The following PAH variants were observed in gnomAD, a reference collection of about 807,000 sequenced individuals.
The protein encoded by PAH is phenylalanine hydroxylase.
PAH carries 64 observed loss-of-function variants against 62.0 expected under a neutral mutation model. The observed-to-expected ratio is 1.03, with a 90% CI of 0.84 to 1.27. PAH has a LOEUF of 1.27. Ranked by LOEUF, PAH falls within the 50% of genes most tolerant of loss-of-function variation. PAH has a pLI of 0.00. For synonymous variants in PAH, 195 were observed against 196.2 expected (o/e 0.99, Z 0.05); for missense variants, 579 against 542.8 (o/e 1.07, Z -0.66).
chr12:102,930,558 C>A (rs1211243102), intron 1 of PAH, among the ~76,000 whole-genome samples: 1 of 152,156 alleles, frequency 6.6e-6, no homozygotes, highest in Non-Finnish European at 1.5e-5. Flanking sequence ...GTTATATTGA[C>A]ATCTTTTGCA....
chr12:102,868,155 CACATATATATACATATATGTGTAT>C lies in PAH; in HGVS notation c.442-1516_442-1493del, dbSNP rs1565855116. On this transcript the variant is annotated intron_variant, in intron 4 of 12. Transcript: ENST00000553106. ...ATATATATATATATATATATATATA[CACATATATATACATATATGTGTAT>C]ATATATATATATATATATATATATA... Among the ~76,000 whole-genome samples the C allele has an allele frequency of 3.1e-3, 8 of 2,598 alleles. 1 individual carries two copies. The highest frequency in any genetic ancestry group is 5.0e-3 in the Non-Finnish European group (8 of 1,612). 1.7% of individuals were successfully genotyped at this position (2,598 alleles called of 152,430 possible).
At chr12:102,851,128 T>C (rs1875130827) in intron 8 of PAH, among the ~76,000 whole-genome samples, 1 of 152,062 alleles carries the variant, frequency 6.6e-6, no homozygotes, top group Admixed American at 6.6e-5. Flanking sequence ...AAGAAAGCTT[T>C]TTTTTGAGCT....
At chr12:102,866,346 A>C (rs1382695271) in intron 5 of PAH, among the ~76,000 whole-genome samples, 1 of 152,170 alleles carries the variant, frequency 6.6e-6, no homozygotes, top group Admixed American at 6.6e-5. Context: ...AGCTTGGGAG[A>C]GAGCAGGGCC....
At chr12:102,935,624 G>A (rs1879073516) in intron 1 of PAH, among the ~76,000 whole-genome samples, 1 of 152,000 alleles carries the variant, frequency 6.6e-6, no homozygotes, top group African/African-American at 2.4e-5. Flanking sequence ...ATATTGGTAG[G>A]TTTTATGTAT....
At chr12:102,928,887 C>T (rs1041205441) in intron 1 of PAH, among the ~76,000 whole-genome samples, 3 of 152,130 alleles carry the variant, frequency 2.0e-5, no homozygotes, top group African/African-American at 7.2e-5. Context: ...TTTCTAGGTT[C>T]TATGATTATA....
At chr12:102,955,311 G>C (rs557538742), upstream of PAH, among the ~76,000 whole-genome samples, 1 of 152,322 alleles carries the variant, frequency 6.6e-6, no homozygotes, top group South Asian at 2.1e-4. Context: ...TAAGCTGTTA[G>C]ATACAAGTTT....
At chr12:102,912,455 T>C (rs917232022) in intron 2 of PAH, among the ~76,000 whole-genome samples, 2 of 152,148 alleles carry the variant, frequency 1.3e-5, no homozygotes, top group Admixed American at 1.3e-4. Flanking sequence ...TTACATGTTA[T>C]GTGAAATGTA....
At position 102,957,225 on chromosome 12, in the gene PAH, C is replaced by T. The variant is rs1446895766; in HGVS notation, c.-96+970G>A. ...CTGTGCCATTTTTTCTGCCCAAACC[C>T]TTCCCTGCGCTTTGCTTCAAGTTCT... On this transcript the variant is annotated intron_variant, in intron 1 of 4. Transcript: ENST00000551337. This position sits in a 1 kb window ranked among gnomAD's most constrained non-coding sequence, Gnocchi z 4.1. Among the ~76,000 whole-genome samples the T allele has an allele frequency of 6.6e-6, 1 of 152,184 alleles. No homozygotes were observed. The highest frequency in any genetic ancestry group is 1.9e-4 in the East Asian group (1 of 5,194).
intron 1 of PAH, among the ~76,000 whole-genome samples, chr12:102,943,786 T>G (rs1461314288): frequency 6.6e-6 from 1 of 152,156 alleles, no homozygotes; most frequent in African/African-American, 2.4e-5. Context: ...GAGGCCATTA[T>G]CCTAAGTGAA....
chr12:102,868,853 C>A (rs1876176944), intron 4 of PAH, among the ~76,000 whole-genome samples: 1 of 152,150 alleles, frequency 6.6e-6, no homozygotes, highest in African/African-American at 2.4e-5. Flanking sequence ...TCTCACTTGC[C>A]ATTCTTATTT....
chr12:102,836,948 A>T lies in PAH; in HGVS notation c.*2227T>A, dbSNP rs1243666937. 2.0e-5 allele frequency: 3 copies of T among 152,214 alleles called. No individual in the cohort carries two copies. The highest frequency in any genetic ancestry group is 6.5e-5 in the Admixed American group (1 of 15,284). 9.4% of individuals were successfully genotyped at this position (152,214 alleles called of 1,614,324 possible). ...TTTTGAAACACAACTAAATTATATA[A>T]CTTAGAAACCTACAGTTAAAATTCA... On this transcript the variant is annotated 3_prime_UTR_variant, in exon 13 of 13. Transcript: ENST00000553106.
rs62508624 is a variant in PAH at position 102,852,957 on chromosome 12, T to A, written c.707-7A>T. 8,141 of 1,613,810 alleles carry A rather than the reference T, an allele frequency of 5.0e-3. 334 individuals carry two copies. The African/African-American group carries it at 0.09, about 18-fold the overall frequency. On this transcript the variant is annotated splice_polypyrimidine_tract_variant and splice_region_variant and intron_variant, in intron 6 of 12. Coordinates refer to ENST00000553106, the MANE Select transcript of PAH (RefSeq NM_000277.3). ...AGGCGGAAACCAGTGCAAGCTGGGA[T>A]GAAAAGAAGAAAGAAAACTCAAAGC...
chr12:102,891,573 C>T (rs1877275963), intron 3 of PAH, among the ~76,000 whole-genome samples: 1 of 152,172 alleles, frequency 6.6e-6, no homozygotes, highest in South Asian at 2.1e-4. Context: ...ACATGCTCTG[C>T]TCTGTTCCCA....
intron 2 of PAH, among the ~76,000 whole-genome samples, chr12:102,899,858 CAAAAAA>C (rs1166069532): frequency 2.9e-3 from 28 of 9,528 alleles, no homozygotes; most frequent in Non-Finnish European, 4.2e-3. Flanking sequence ...GACTCCGTCT[CAAAAAA>C]AAAAAAAAAA....
intron 3 of PAH, among the ~76,000 whole-genome samples, chr12:102,888,729 T>G (rs746345037): frequency 2.0e-5 from 3 of 151,730 alleles, no homozygotes; most frequent in African/African-American, 7.3e-5. Flanking sequence ...CTTGTCTCAG[T>G]GAGGCAGTTT....
At chr12:102,953,127 C>A (rs1339841256), upstream of PAH, among the ~76,000 whole-genome samples, 1 of 152,182 alleles carries the variant, frequency 6.6e-6, no homozygotes, top group Non-Finnish European at 1.5e-5. Context: ...TGAATATTGG[C>A]TATGAATGCC....
chr12:102,951,510 T>C (rs183378678), upstream of PAH, among the ~76,000 whole-genome samples: 3 of 152,270 alleles, frequency 2.0e-5, no homozygotes, highest in East Asian at 3.9e-4. Flanking sequence ...GAACAGACTT[T>C]GCAAAAATAA....
intron 1 of PAH, among the ~76,000 whole-genome samples, chr12:102,930,282 A>G (rs565272590): frequency 6.6e-6 from 1 of 152,314 alleles, no homozygotes; most frequent in Non-Finnish European, 1.5e-5. Context: ...TAGCTAATGA[A>G]CTAAAGCTTT....
chr12:102,858,603 C>T (rs1183103857), intron 5 of PAH, among the ~76,000 whole-genome samples: 2 of 152,126 alleles, frequency 1.3e-5, no homozygotes, highest in African/African-American at 4.8e-5. Flanking sequence ...TGTGAAAGAA[C>T]AGAAAATATA....
Sources: gnomAD v4.1 joint callset for allele counts (sites outside exome capture counted in the v4.1 genomes callset) on GRCh38, gnomAD v4.1.1 for gene constraint, Gnocchi (gnomAD v3.1) non-coding constraint, MANE v1.5 for transcripts, NCBI Gene and HGNC (gene_info 2026-07-23, HGNC 2026-07-21) for gene names.